SLC30A5: variants seen among roughly 807,000 people sequenced by gnomAD.
The protein encoded by SLC30A5 is solute carrier family 30 member 5.
Under a neutral mutation model 79.6 loss-of-function variants are expected in SLC30A5, and 33 were observed. The observed-to-expected ratio is 0.41, with a 90% CI of 0.31 to 0.55. The LOEUF is 0.55. Ranked by LOEUF, SLC30A5 falls within the 20% of genes least tolerant of loss-of-function variation. SLC30A5 has a pLI of 0.20. For missense variants in SLC30A5, 788 were observed against 928.1 expected (o/e 0.85, Z 1.96); for synonymous variants, 299 against 319.7 (o/e 0.94, Z 0.69).
At chr5:69,120,562 T>G (rs1181238622) in intron 12 of SLC30A5, among the ~76,000 whole-genome samples, 1 of 152,154 alleles carries the variant, frequency 6.6e-6, no homozygotes, top group African/African-American at 2.4e-5. Flanking sequence ...CCTGATAAAA[T>G]ACACAATGAT....
At position 69,114,432 on chromosome 5, in the gene SLC30A5, A is replaced by G; in HGVS notation, c.548A>G (p.His183Arg). 6.2e-7 allele frequency: 1 copy of G among 1,608,548 alleles called. No individual in the cohort carries two copies. The highest frequency in any genetic ancestry group is 8.5e-7 in the Non-Finnish European group (1 of 1,175,288). Residue 183 changes from histidine to arginine, a missense_variant, in exon 7 of 16, where the codon CAT becomes CGT. Physicochemically the swap from His to Arg is conservative, Grantham distance 29. Transcript: ENST00000396591. ...TCAACTCACTTAGCTGAAGGACATC[A>G]TGACAGTGCTCTAACTCATATGCTT... ...AKMAEHPEGH[H>R]DSALTHMLYT... is the part of the protein sequence containing the mutation.
rs145196427 is a variant in SLC30A5 at position 69,100,825 on chromosome 5, G to A, written c.102G>A (p.Val34=). The change falls in exon 2 of 16, where the codon GTG becomes GTA. Residue 34 remains valine (V), a synonymous_variant. Coordinates refer to ENST00000396591, the MANE Select transcript of SLC30A5 (RefSeq NM_022902.5). ...TTTTCAGATTAACAAAATATATTGT[G>A]TTACTATGTTTCACTAAATTTTTGA... ...VPSARLTKYI[V]LLCFTKFLKA... 7 of 1,596,908 alleles carry A rather than the reference G, an allele frequency of 4.4e-6. No homozygotes were observed. The highest frequency in any genetic ancestry group is 6.0e-6 in the Non-Finnish European group (7 of 1,167,326).
chr5:69,126,812 T>A (rs564477602), intron 14 of SLC30A5, among the ~76,000 whole-genome samples: 62 of 147,958 alleles, frequency 4.2e-4, no homozygotes, highest in Middle Eastern at 3.5e-3. Context: ...AACAACAAAA[T>A]ATATATATAT....
chr5:69,109,686 A>T (rs1412717229), intron 5 of SLC30A5, among the ~76,000 whole-genome samples: 1 of 152,046 alleles, frequency 6.6e-6, no homozygotes, highest in Non-Finnish European at 1.5e-5. Flanking sequence ...CCACCTAAGC[A>T]CTCCTATTCA....
chr5:69,118,461 GTCCTTT>G (rs1277493773), intron 11 of SLC30A5, 32 bp from the exon 12 acceptor site: 16 of 1,560,044 alleles, frequency 1.0e-5, no homozygotes, highest in Non-Finnish European at 1.3e-5. Context: ...AAAAATATTT[GTCCTTT>G]TCCTTTTCTG....
At chr5:69,112,291 C>CA (rs879632892) in intron 5 of SLC30A5, among the ~76,000 whole-genome samples, 236 of 130,972 alleles carry the variant, frequency 1.8e-3, no homozygotes, top group Middle Eastern at 8.1e-3. Flanking sequence ...AGACTCTCCT[C>CA]AAAAAAAAAA....
chr5:69,095,175 A>G (rs1745685810), intron 1 of SLC30A5, among the ~76,000 whole-genome samples: 1 of 150,408 alleles, frequency 6.6e-6, no homozygotes. Flanking sequence ...TTAGAACTGT[A>G]GTAATAGCAT....
At chr5:69,110,829 G>T (rs1746210304) in intron 5 of SLC30A5, among the ~76,000 whole-genome samples, 3 of 151,952 alleles carry the variant, frequency 2.0e-5, no homozygotes, top group African/African-American at 7.3e-5. Flanking sequence ...AAGATCCTTG[G>T]CAGGAAATCA....
At chr5:69,128,859 A>G (rs1746774681) in intron 15 of SLC30A5, among the ~76,000 whole-genome samples, 1 of 152,224 alleles carries the variant, frequency 6.6e-6, no homozygotes. Flanking sequence ...ATTGGAAACA[A>G]TGGCTGTTTT....
rs938436025 is a variant in SLC30A5 at position 69,098,445 on chromosome 5, G to C, written c.84-2362G>C. ...GGAGGCTGAGGCAGGAGAATTGCTT[G>C]AACCCGGGGGTTCAATCAAAGAAAA... On this transcript the variant is annotated intron_variant, in intron 1 of 15. Transcript: ENST00000396591. Among the ~76,000 whole-genome samples, 3 of 152,302 alleles carry C rather than the reference G, an allele frequency of 2.0e-5. No individual in the cohort carries two copies. The South Asian group carries it at 6.2e-4, about 32-fold the overall frequency.
chr5:69,101,403 C>G (rs796199415), intron 2 of SLC30A5, among the ~76,000 whole-genome samples: 9 of 151,774 alleles, frequency 5.9e-5, no homozygotes, highest in African/African-American at 2.2e-4. Flanking sequence ...CTCAGCCTCC[C>G]GAGTAGCTGG....
At chr5:69,095,329 G>C (rs1561284213) in intron 1 of SLC30A5, among the ~76,000 whole-genome samples, 1 of 150,984 alleles carries the variant, frequency 6.6e-6, no homozygotes, top group South Asian at 2.1e-4. Context: ...GCCTCCCGAG[G>C]AGCTGGGATT....
intron 1 of SLC30A5, among the ~76,000 whole-genome samples, chr5:69,094,944 C>T (rs1745678680): frequency 6.6e-6 from 1 of 152,114 alleles, no homozygotes; most frequent in African/African-American, 2.4e-5. Flanking sequence ...TTCCTCTCTT[C>T]AATTCTCCCA....
chr5:69,118,199 A>G (rs1445883385), intron 11 of SLC30A5, among the ~76,000 whole-genome samples: 5 of 149,394 alleles, frequency 3.3e-5, no homozygotes, highest in African/African-American at 4.9e-5. Context: ...AAAAGAGAGT[A>G]AAGAAGGACT....
At chr5:69,101,903 G>A (rs1580166949) in intron 2 of SLC30A5, among the ~76,000 whole-genome samples, 3 of 150,976 alleles carry the variant, frequency 2.0e-5, no homozygotes, top group Admixed American at 2.0e-4. Context: ...GTTGCAGTGA[G>A]CTGAGATCAT....
chr5:69,097,051 AC>A (rs1225245205), intron 1 of SLC30A5, among the ~76,000 whole-genome samples: 1 of 151,482 alleles, frequency 6.6e-6, no homozygotes, highest in Non-Finnish European at 1.5e-5. Context: ...CTAGAAAAAA[AC>A]AGAACACAAA....
intron 7 of SLC30A5, among the ~76,000 whole-genome samples, 199 bp downstream of exon 7, chr5:69,114,695 A>G (rs950176764): frequency 2.0e-5 from 3 of 152,046 alleles, no homozygotes; most frequent in African/African-American, 4.8e-5. Flanking sequence ...GAAAAACCCC[A>G]TCTCTACTAA....
intron 15 of SLC30A5, 46 bp from the exon 16 acceptor site, chr5:69,129,401 A>G (rs1293960996): frequency 7.0e-7 from 1 of 1,437,196 alleles, no homozygotes; most frequent in East Asian, 2.3e-5. Context: ...GTGTGTACTA[A>G]ATGCATTACT....
intron 6 of SLC30A5, 38 bp from the exon 7 acceptor site, chr5:69,114,382 C>G: frequency 7.6e-7 from 1 of 1,316,664 alleles, no homozygotes; most frequent in Non-Finnish European, 1.1e-6. Flanking sequence ...CAAAGAGTGA[C>G]TTTTTGGAAT....
Sources: gnomAD v4.1 joint callset for allele counts (sites outside exome capture counted in the v4.1 genomes callset) on GRCh38, gnomAD v4.1.1 for gene constraint, MANE v1.5 for transcripts, NCBI Gene and HGNC (gene_info 2026-07-23, HGNC 2026-07-21) for gene names.